Variants in PCDHA6 observed in about 807,000 individuals in gnomAD.
PCDHA6 encodes protocadherin alpha-6.
Under a neutral mutation model 60.3 loss-of-function variants are expected in PCDHA6, and 55 were observed. That is an observed-to-expected ratio of 0.91 (90% CI 0.73 to 1.14). The LOEUF is 1.14. Ranked by LOEUF, PCDHA6 falls within the 50% of genes most tolerant of loss-of-function variation. PCDHA6 has a pLI of 0.00. For synonymous variants in PCDHA6, 652 were observed against 557.9 expected, an observed-to-expected ratio of 1.17 and a Z score of -2.38; for missense variants, 1,327 against 1,256.5, an observed-to-expected ratio of 1.06 and a Z score of -0.85.
At chr5:140,880,582 A>G (rs2058391478) in intron 1 of PCDHA6, among the ~76,000 whole-genome samples, 1 of 152,230 alleles carries the variant, frequency 6.6e-6, no homozygotes, top group South Asian at 2.1e-4. Flanking sequence ...GAAGAGAGGA[A>G]AGAGAATATG....
chr5:140,928,172 C>T (rs782267454), intron 1 of PCDHA6: 1 of 1,614,200 alleles, frequency 6.2e-7, no homozygotes, highest in South Asian at 1.1e-5. Flanking sequence ...CCACTTAGCA[C>T]CCGAAGGACA....
chr5:141,006,525 T>G (rs1366958955), intron 3 of PCDHA6, among the ~76,000 whole-genome samples: 1 of 152,108 alleles, frequency 6.6e-6, no homozygotes, highest in African/African-American at 2.4e-5. Context: ...TATACATCAG[T>G]TTTTAAAGAG....
chr5:140,934,587 T>C (rs1316719317), intron 1 of PCDHA6, among the ~76,000 whole-genome samples: 1 of 152,176 alleles, frequency 6.6e-6, no homozygotes, highest in Non-Finnish European at 1.5e-5. Flanking sequence ...ATTTCTGTAA[T>C]GGGTCTTCAA....
chr5:141,010,403 G>T lies in PCDHA6; in HGVS notation c.*466G>T. ...ATATTGGCTGAGACGAGCCAGCTTA[G>T]ACTAATTGGTACAAGGAAGGCAAGA... On this transcript the variant is annotated 3_prime_UTR_variant, in exon 4 of 4. Transcript: ENST00000529310. 2 of 1,285,614 alleles carry T rather than the reference G, an allele frequency of 1.6e-6. No individual in the cohort carries two copies. Among genetic ancestry groups the T allele is most frequent in the Non-Finnish European group, 2.1e-6 (2 of 956,000 alleles). The allele number at this position is 1,285,614 out of a possible 1,614,324, so 79.6% of individuals were successfully genotyped here. A position where few individuals can be genotyped will look rare whatever the true frequency, so the allele number is the denominator to read the frequency against.
rs372854727 is a variant in PCDHA6 at position 140,857,673 on chromosome 5, C to A, written c.2394+27188C>A. On this transcript the variant is annotated intron_variant, in intron 1 of 3. Transcript: ENST00000529310. Reference sequence around the variant, plus strand: ...GTGAGCGCGCGCGATGGGGGCGTGCCGCCTCTGGGCAGCAACTTGACGCTG... The same window carrying A: ...GTGAGCGCGCGCGATGGGGGCGTGCAGCCTCTGGGCAGCAACTTGACGCTG... 2.5e-6 allele frequency: 4 copies of A among 1,596,826 alleles called. 1 individual carries two copies. The highest frequency in any genetic ancestry group is 3.4e-6 in the Non-Finnish European group (4 of 1,167,768).
chr5:140,836,679 A>G (rs2150267656), intron 1 of PCDHA6: 3 of 1,613,334 alleles, frequency 1.9e-6, no homozygotes, highest in East Asian at 4.5e-5. Context: ...GGGCCCACCC[A>G]AGACAGACCT....
chr5:140,886,827 GAAA>G (rs782016620), intron 1 of PCDHA6, among the ~76,000 whole-genome samples: 1 of 60,882 alleles, frequency 1.6e-5, no homozygotes. Flanking sequence ...ACTTCGTCTT[GAAA>G]AAAAAAAAAA....
At chr5:140,854,577 T>A (rs1402971625) in intron 1 of PCDHA6, 1 of 149,930 alleles carries the variant, frequency 6.7e-6, no homozygotes, top group African/African-American at 2.4e-5. Context: ...TCATTCAGAT[T>A]TTAATAAAAA....
intron 1 of PCDHA6, among the ~76,000 whole-genome samples, chr5:140,881,606 T>A (rs1554172306): frequency 6.6e-6 from 1 of 152,226 alleles, no homozygotes; most frequent in East Asian, 1.9e-4. Context: ...TAATATGATG[T>A]GCTTATTCAA....
chr5:140,850,166 C>G (rs1248475012), intron 1 of PCDHA6: 1 of 1,594,750 alleles, frequency 6.3e-7, no homozygotes, highest in Non-Finnish European at 8.6e-7. Context: ...TCGTGCTGGA[C>G]GAGAACGACA....
chr5:140,875,818 G>T (rs2055839936), intron 1 of PCDHA6: 1 of 1,614,100 alleles, frequency 6.2e-7, no homozygotes, highest in East Asian at 2.2e-5. Flanking sequence ...GCCGCTGCAG[G>T]TTTTCCATGT....
At chr5:140,980,152 C>T (rs1554241475) in intron 2 of PCDHA6, among the ~76,000 whole-genome samples, 1 of 152,040 alleles carries the variant, frequency 6.6e-6, no homozygotes, top group Admixed American at 6.6e-5. Flanking sequence ...CATGCATATA[C>T]CAGAATATTA....
chr5:140,875,485 G>C (rs367652529), intron 1 of PCDHA6: 10 of 1,611,542 alleles, frequency 6.2e-6, no homozygotes, highest in Non-Finnish European at 7.6e-6. Context: ...GGTGATTATC[G>C]GACCAAGAGG....
intron 1 of PCDHA6, among the ~76,000 whole-genome samples, chr5:140,881,010 T>A (rs782629592): frequency 1.3e-5 from 2 of 152,198 alleles, no homozygotes; most frequent in Admixed American, 1.3e-4. Context: ...AGCAGAGCTA[T>A]GGAAATAAAC....
At chr5:140,868,823 G>A (rs576498570) in intron 1 of PCDHA6, 4 of 397,532 alleles carry the variant, frequency 1.0e-5, no homozygotes, top group South Asian at 6.7e-5. Context: ...ATATTTGGGG[G>A]AAGAAACCCA....
rs545409584 is a variant in PCDHA6, at chr5:140,952,105, G to A, written c.2395-26844G>A. 3.3e-5 allele frequency among the ~76,000 whole-genome samples: 5 copies of A among 152,218 alleles called. 1 individual carries two copies. Among genetic ancestry groups the A allele is most frequent in the African/African-American group, 4.8e-5 (2 of 41,536 alleles). ...CATGTCTCACATCCAGGGCACACTC[G>A]TGTGAGGGATGGGCTCCCAAGGCCT... is the stretch of plus-strand genomic sequence containing the variant. On this transcript the variant is annotated intron_variant, in intron 1 of 3. Coordinates refer to ENST00000529310, the MANE Select transcript of PCDHA6 (RefSeq NM_018909.4).
At chr5:140,967,956 A>G in intron 1 of PCDHA6, 2 of 1,614,172 alleles carry the variant, frequency 1.2e-6, no homozygotes, top group Middle Eastern at 3.3e-4. Context: ...TCAGGCCCCA[A>G]CCGGAAAGTG....
At chr5:140,834,215 T>A (rs1425160106) in intron 1 of PCDHA6, 2 of 654,798 alleles carry the variant, frequency 3.1e-6, no homozygotes, top group Non-Finnish European at 5.1e-6. Flanking sequence ...TCTTTCGTAA[T>A]CAGCAAAAGG....
chr5:140,985,675 T>C (rs1477813786), intron 3 of PCDHA6, among the ~76,000 whole-genome samples: 1 of 151,998 alleles, frequency 6.6e-6, no homozygotes, highest in Non-Finnish European at 1.5e-5. Context: ...AAGTGGGGCC[T>C]GCCTTACGCT....
Sources: gnomAD v4.1 joint callset for allele counts (sites outside exome capture counted in the v4.1 genomes callset) on GRCh38, gnomAD v4.1.1 for gene constraint, MANE v1.5 for transcripts, NCBI Gene and HGNC (gene_info 2026-07-23, HGNC 2026-07-21) for gene names.